The following CERT1 variants were observed in gnomAD, a reference collection of about 807,000 sequenced individuals.
CERT1 encodes the protein ceramide transfer protein.
CERT1 carries 31 observed loss-of-function variants against 87.9 expected under a neutral mutation model. That is an observed-to-expected ratio of 0.35 (90% confidence interval 0.27 to 0.48). CERT1 has a LOEUF of 0.48. Among genes scored for constraint, CERT1 ranks in the 20% least tolerant of loss-of-function variants. The pLI, the probability that CERT1 is intolerant of heterozygous loss-of-function variation, is 0.99. For missense variants in CERT1, 487 were observed against 758.0 expected, an observed-to-expected ratio of 0.64 and a Z score of 4.20; for synonymous variants, 289 against 250.9, an observed-to-expected ratio of 1.15 and a Z score of -1.44.
intron 7 of CERT1, 40 bp from the exon 8 acceptor site, chr5:75,411,143 C>G (rs1762920325): frequency 8.9e-7 from 1 of 1,124,370 alleles, no homozygotes; most frequent in Non-Finnish European, 1.3e-6. Flanking sequence ...TTGAGGCAGG[C>G]ATTTTAATTA....
chr5:75,395,971 C>T (rs1178207100), intron 11 of CERT1, among the ~76,000 whole-genome samples: 1 of 152,184 alleles, frequency 6.6e-6, no homozygotes, highest in Non-Finnish European at 1.5e-5. Flanking sequence ...GACTTCATTC[C>T]TAATATCTGC....
intron 8 of CERT1, among the ~76,000 whole-genome samples, chr5:75,409,098 A>T (rs564966561): frequency 6.6e-6 from 1 of 152,192 alleles, no homozygotes; most frequent in South Asian, 2.1e-4. Flanking sequence ...ATGAATATAC[A>T]TTTTATTTAT....
chr5:75,422,149 G>C (rs974594777), intron 5 of CERT1, among the ~76,000 whole-genome samples: 1 of 152,070 alleles, frequency 6.6e-6, no homozygotes, highest in Non-Finnish European at 1.5e-5. Flanking sequence ...GTGAGACTAT[G>C]GTGAAGGGTA....
Position 75,389,489 on chromosome 5 carries a change from AAAGGT to A in CERT1, c.1284+98_1284+102del, listed in dbSNP as rs539068391. On this transcript the variant is annotated intron_variant, in intron 12 of 16. Transcript: ENST00000643780. ...TTGATCACATGTAATAATTTGTTTT[AAAGGT>A]AAGTTGAAAGTGCTATCCTTATTCA... The A allele has an allele frequency of 3.5e-4, 280 of 808,408 alleles. No homozygotes were observed. In the African/African-American group the frequency reaches 4.5e-3, roughly 13 times the overall value. 50.1% of individuals were successfully genotyped at this position (808,408 alleles called of 1,614,324 possible).
chr5:75,480,980 A>C (rs1325437096), intron 2 of CERT1, among the ~76,000 whole-genome samples: 1 of 151,998 alleles, frequency 6.6e-6, no homozygotes, highest in Non-Finnish European at 1.5e-5. Context: ...GCCTCCTACA[A>C]TCTATTCTTA....
chr5:75,379,543 G>T, intron 16 of CERT1, 70 bp from the exon 17 acceptor site: 6 of 1,387,446 alleles, frequency 4.3e-6, no homozygotes, highest in Admixed American at 2.2e-5. Context: ...CACTTAATTT[G>T]TTCCCTTGTT....
rs1274198397 is a variant in CERT1, at chr5:75,451,964, G to C, written c.348+7101C>G. ...CTTCACTTAGATGGCTCAACAATGG[G>C]GTTCTCTCAGTAAAAAACTTTTTTC... On this transcript the variant is annotated intron_variant, in intron 3 of 16. Transcript: ENST00000643780. 2.6e-5 allele frequency among the ~76,000 whole-genome samples: 4 copies of C among 152,104 alleles called. No individual in the cohort carries two copies. The East Asian group carries it at 5.8e-4, about 22-fold the overall frequency.
At position 75,439,780 on chromosome 5, in the gene CERT1, G is replaced by A. The variant is rs1443671396; in HGVS notation, c.349-13302C>T. Reference sequence around the variant, plus strand: ...AGACAGCAATTTAATCAATAAAATTGTAATTTAAAATACGCAATGGGAACA... The same window carrying A: ...AGACAGCAATTTAATCAATAAAATTATAATTTAAAATACGCAATGGGAACA... On this transcript the variant is annotated intron_variant, in intron 3 of 16. Transcript: ENST00000643780. 3.3e-5 allele frequency among the ~76,000 whole-genome samples: 5 copies of A among 152,094 alleles called. No individual in the cohort carries two copies. The East Asian group carries it at 9.6e-4, about 29-fold the overall frequency.
intron 2 of CERT1, among the ~76,000 whole-genome samples, chr5:75,472,997 T>C (rs62366600): frequency 0.013 from 2,049 of 152,352 alleles, 23 homozygotes; most frequent in Non-Finnish European, 0.02. Flanking sequence ...AGCCAAGATA[T>C]GGAATCAACC....
intron 3 of CERT1, 48 bp downstream of exon 3, chr5:75,459,017 A>T (rs148865930): frequency 1.7e-4 from 178 of 1,051,616 alleles, no homozygotes; most frequent in East Asian, 6.7e-4. Context: ...TATTGTCAAC[A>T]ATCTCTTACC....
chr5:75,478,767 A>C (rs1766086811), intron 2 of CERT1, among the ~76,000 whole-genome samples: 1 of 152,032 alleles, frequency 6.6e-6, no homozygotes, highest in African/African-American at 2.4e-5. Flanking sequence ...TTGAGTAGTG[A>C]AACTCTCACC....
chr5:75,488,284 C>T (rs751458135), intron 2 of CERT1, among the ~76,000 whole-genome samples: 6 of 151,846 alleles, frequency 4.0e-5, no homozygotes, highest in Non-Finnish European at 8.8e-5. Flanking sequence ...CACTGTATGC[C>T]TGTATCAAAA....
intron 3 of CERT1, among the ~76,000 whole-genome samples, chr5:75,432,491 T>C (rs1408601652): frequency 6.6e-6 from 1 of 152,246 alleles, no homozygotes; most frequent in Non-Finnish European, 1.5e-5. Context: ...TTCACATGCT[T>C]GATGGCAGCA....
At chr5:75,426,588 G>A (rs1763630375) in intron 3 of CERT1, 110 bp from the exon 4 acceptor site, 1 of 713,192 alleles carries the variant, frequency 1.4e-6, no homozygotes, top group Non-Finnish European at 2.4e-6. Flanking sequence ...CAGTCTGGGT[G>A]CACATAAGAT....
chr5:75,504,490 A>C (rs748144783), intron 2 of CERT1, among the ~76,000 whole-genome samples: 1 of 152,238 alleles, frequency 6.6e-6, no homozygotes, highest in Non-Finnish European at 1.5e-5. Flanking sequence ...ATGTATAAAA[A>C]ATAATGTAAA....
chr5:75,473,524 G>T (rs757276522), intron 2 of CERT1, among the ~76,000 whole-genome samples: 2 of 152,154 alleles, frequency 1.3e-5, no homozygotes, highest in Non-Finnish European at 2.9e-5. Flanking sequence ...TAAAAAAGTT[G>T]ATCTCATGGA....
intron 2 of CERT1, among the ~76,000 whole-genome samples, chr5:75,476,360 T>A (rs1444727431): frequency 6.6e-6 from 1 of 152,064 alleles, no homozygotes. Flanking sequence ...TCTATTACCA[T>A]GTATTTAGTA....
At chr5:75,444,210 T>A (rs1764442536) in intron 3 of CERT1, among the ~76,000 whole-genome samples, 1 of 151,806 alleles carries the variant, frequency 6.6e-6, no homozygotes, top group Non-Finnish European at 1.5e-5. Flanking sequence ...CACCCGCCAC[T>A]GCGCTCAGCT....
intron 7 of CERT1, among the ~76,000 whole-genome samples, chr5:75,413,541 C>G (rs1046155767): frequency 5.9e-5 from 9 of 152,222 alleles, no homozygotes; most frequent in African/African-American, 1.4e-4. Flanking sequence ...CCCTGGAGTT[C>G]AAGGCTGTAG....
Sources: allele counts gnomAD v4.1 joint callset (sites outside exome capture counted in the v4.1 genomes callset), GRCh38; gene constraint gnomAD v4.1.1; transcripts MANE v1.5; gene names NCBI Gene and HGNC (gene_info 2026-07-23, HGNC 2026-07-21).